The following CROCC2 variants were observed in gnomAD, a reference collection of about 807,000 sequenced individuals.
CROCC2 encodes the protein ciliary rootlet coiled-coil protein 2.
A neutral mutation model predicts 177.6 loss-of-function variants in CROCC2; 163 were observed. The observed-to-expected ratio is 0.92, with a 90% CI of 0.81 to 1.05. CROCC2 has a LOEUF of 1.05. Among genes scored for constraint, CROCC2 ranks in the 50% least tolerant of loss-of-function variants. CROCC2 has a pLI of 0.00. For synonymous variants in CROCC2, 904 were observed against 787.3 expected (o/e 1.15, Z -2.48); for missense variants, 1,929 against 1,797.8 (o/e 1.07, Z -1.32).
At chr2:240,920,232 C>A (rs539583975) in intron 3 of CROCC2, 98 bp downstream of exon 3, 1 of 582,088 alleles carries the variant, frequency 1.7e-6, no homozygotes, top group African/African-American at 1.9e-5. Flanking sequence ...CTGGGACCAT[C>A]GGCAATTTCT....
chr2:240,933,999 G>A lies in CROCC2; in HGVS notation c.1646+147G>A, dbSNP rs1462612556. 6 of 872,102 alleles carry A rather than the reference G, an allele frequency of 6.9e-6. No homozygotes were observed. The African/African-American group carries it at 8.5e-5, about 12-fold the overall frequency. The allele number at this position is 872,102 out of a possible 1,614,324, so 54.0% of individuals were successfully genotyped here. A position where few individuals can be genotyped will look rare whatever the true frequency, so the allele number is the denominator to read the frequency against. ...GTGGCCCTAACAGGGCAGGGGCGGG[G>A]GCTCTCCAGGCTTCTCCCCAGGCTG... On this transcript the variant is annotated intron_variant, in intron 11 of 31. Coordinates refer to ENST00000690015, the MANE Select transcript of CROCC2 (RefSeq NM_001351305.2).
At chr2:240,968,395 C>T (rs991272038) in intron 27 of CROCC2, 133 bp downstream of exon 27, 23 of 1,218,682 alleles carry the variant, frequency 1.9e-5, no homozygotes, top group East Asian at 1.4e-4. Flanking sequence ...TGTGGGTGTT[C>T]GGGGCTGGAG....
At chr2:240,986,487 G>A (rs960796670) in intron 28 of CROCC2, among the ~76,000 whole-genome samples, 1 of 152,206 alleles carries the variant, frequency 6.6e-6, no homozygotes, top group Non-Finnish European at 1.5e-5. Flanking sequence ...GTAACCTGTG[G>A]GTCACCCAGC....
rs1313476778 is a variant in CROCC2, at chr2:240,949,969, C to T, written c.2652+267C>T. Among the ~76,000 whole-genome samples, 1 of 152,078 alleles carries T rather than the reference C, an allele frequency of 6.6e-6. No homozygotes were observed. The highest frequency in any genetic ancestry group is 2.4e-5 in the African/African-American group (1 of 41,372). On this transcript the variant is annotated intron_variant, in intron 17 of 31. Transcript: ENST00000690015. The surrounding 1 kb of genome is among the most constrained non-coding windows in gnomAD (Gnocchi z 4.5). ...GGAAGGGCTGCTGGCTGGTCTGGTG[C>T]AGTCTGAAGGATGAGGGCTGGAGGG...
chr2:240,969,974 C>G (rs1013150475), intron 27 of CROCC2, among the ~76,000 whole-genome samples: 1 of 152,208 alleles, frequency 6.6e-6, no homozygotes, highest in Non-Finnish European at 1.5e-5. Context: ...AAATGATCTG[C>G]CTGCCTCAGC....
In CROCC2 at chr2:240,987,564, G is replaced by A. The variant is rs536664679; in HGVS notation, c.4552-1175G>A. Among the ~76,000 whole-genome samples the A allele has an allele frequency of 2.6e-5, 4 of 152,328 alleles. No individual in the cohort carries two copies. The South Asian group carries it at 8.3e-4, about 32-fold the overall frequency. On this transcript the variant is annotated intron_variant, in intron 28 of 31. Coordinates refer to ENST00000690015, the MANE Select transcript of CROCC2 (RefSeq NM_001351305.2). ...TGACCCTGTAACAAACTTTACCCAT[G>A]CAAATTATCCCCTCTGTCTTAGGGC...
At chr2:240,952,854 G>A (rs77759869) in intron 18 of CROCC2, among the ~76,000 whole-genome samples, 6,893 of 152,036 alleles carry the variant, frequency 0.045, 481 homozygotes, top group African/African-American at 0.16. Context: ...GGGTCCATGC[G>A]AGAGGGGCTG....
chr2:240,992,859 C>T (rs1299796414), intron 31 of CROCC2, among the ~76,000 whole-genome samples: 3 of 152,206 alleles, frequency 2.0e-5, no homozygotes, highest in Non-Finnish European at 4.4e-5. Flanking sequence ...CTTCCCCATT[C>T]GCAGTCTCCT....
intron 21 of CROCC2, 189 bp downstream of exon 21, chr2:240,963,962 G>C: frequency 1.6e-6 from 1 of 633,236 alleles, no homozygotes; most frequent in Non-Finnish European, 2.8e-6. Flanking sequence ...TGGCCAGTGC[G>C]AGGGATGGCT....
intron 13 of CROCC2, 88 bp downstream of exon 13, chr2:240,935,150 C>T (rs1310863044): frequency 2.3e-6 from 3 of 1,296,402 alleles, no homozygotes; most frequent in Non-Finnish European, 3.0e-6. Flanking sequence ...TCTTTCCATC[C>T]TCCCAGATCA....
rs1051261545 is a variant in CROCC2 at position 240,968,517 on chromosome 2, C to A, written c.4401+255C>A. On this transcript the variant is annotated intron_variant, in intron 27 of 31. Transcript: ENST00000690015. The stretch of plus-strand genomic sequence containing the variant: ...AGAGCTGTCCTTACGGTGGTTCTAG[C>A]CCTTGTTTTACAGGTTGGGGAAACT... Among the ~76,000 whole-genome samples the A allele has an allele frequency of 5.3e-5, 8 of 152,212 alleles. 1 individual carries two copies. Among genetic ancestry groups the A allele is most frequent in the Admixed American group, 5.2e-4 (8 of 15,290 alleles).
At position 240,918,495 on chromosome 2, in the gene CROCC2, G is replaced by A. The variant is rs967342054; in HGVS notation, c.79-231G>A. On this transcript the variant is annotated intron_variant, in intron 1 of 31. Transcript: ENST00000690015. This position sits in a 1 kb window ranked among gnomAD's most constrained non-coding sequence, Gnocchi z 6.3. The stretch of plus-strand genomic sequence containing the variant: ...CGCAGTACCTGCTCCTGCTGACCTC[G>A]GCTGGGTGTGGTCCTCCTCTCCAGA... 3.3e-5 allele frequency among the ~76,000 whole-genome samples: 5 copies of A among 152,096 alleles called. No homozygotes were observed. The highest frequency in any genetic ancestry group is 4.8e-5 in the African/African-American group (2 of 41,418).
intron 7 of CROCC2, among the ~76,000 whole-genome samples, chr2:240,931,919 A>G (rs1477095770): frequency 2.6e-5 from 4 of 152,258 alleles, no homozygotes; most frequent in African/African-American, 9.6e-5. Context: ...TTTAGGAAGA[A>G]GGTGCATCCT....
intron 4 of CROCC2, among the ~76,000 whole-genome samples, chr2:240,923,611 CCCCCACACTAACCCAG>C (rs2059372970): frequency 1.8e-4 from 1 of 5,550 alleles, no homozygotes. Context: ...ACTAACCCGG[CCCCCACACTAACCCAG>C]CCCCCACACT....
At chr2:240,987,611 C>T (rs1475452618) in intron 28 of CROCC2, among the ~76,000 whole-genome samples, 15 of 152,270 alleles carry the variant, frequency 9.9e-5, no homozygotes, top group African/African-American at 2.9e-4. Context: ...CCTGCTCCAG[C>T]CCTGAAGCTA....
intron 5 of CROCC2, among the ~76,000 whole-genome samples, chr2:240,927,942 C>T (rs912245824): frequency 5.3e-5 from 8 of 152,242 alleles, no homozygotes; most frequent in African/African-American, 1.9e-4. Flanking sequence ...TGAGCCACCT[C>T]GCCTGGCTTC....
At chr2:240,910,863 A>T (rs12987638) in intron 1 of CROCC2, among the ~76,000 whole-genome samples, 1 of 152,046 alleles carries the variant, frequency 6.6e-6, no homozygotes, top group Admixed American at 6.6e-5. Flanking sequence ...GGGTGCAGTG[A>T]CTCACACCTG....
intron 5 of CROCC2, among the ~76,000 whole-genome samples, chr2:240,927,871 G>C (rs868735261): frequency 6.6e-6 from 1 of 152,222 alleles, no homozygotes; most frequent in Non-Finnish European, 1.5e-5. Flanking sequence ...GGCTGGTCTC[G>C]AACTCCTGAC....
chr2:240,912,924 G>A (rs927482978), intron 1 of CROCC2, among the ~76,000 whole-genome samples: 4 of 152,192 alleles, frequency 2.6e-5, no homozygotes, highest in Admixed American at 1.3e-4. Flanking sequence ...GGACAGGAGC[G>A]GTGGATGGTT....
Sources: gnomAD v4.1 joint callset for allele counts (sites outside exome capture counted in the v4.1 genomes callset) on GRCh38, gnomAD v4.1.1 for gene constraint, Gnocchi (gnomAD v3.1) non-coding constraint, MANE v1.5 for transcripts, NCBI Gene and HGNC (gene_info 2026-07-23, HGNC 2026-07-21) for gene names.